The following DNAH11 variants were observed in gnomAD, a reference collection of about 807,000 sequenced individuals.
DNAH11 encodes dynein axonemal heavy chain 11, also known as axonemal beta dynein heavy chain 11.
Under a neutral mutation model 526.0 loss-of-function variants are expected in DNAH11, and 442 were observed. That is an observed-to-expected ratio of 0.84 (90% CI 0.78 to 0.91). The LOEUF (loss-of-function observed/expected upper bound fraction) is 0.91, where lower values mean the gene tolerates loss of function less well. Among genes scored for constraint, DNAH11 ranks in the 40% least tolerant of loss-of-function variants. The pLI is 0.00. For synonymous variants in DNAH11, 2,461 were observed against 1,935.9 expected, an observed-to-expected ratio of 1.27 and a Z score of -7.12; for missense variants, 6,989 against 5,448.7, an observed-to-expected ratio of 1.28 and a Z score of -8.90.
rs573782592 is a variant in DNAH11 at position 21,738,345 on chromosome 7, C to G, written c.7646-356C>G. Among the ~76,000 whole-genome samples the G allele has an allele frequency of 3.5e-4, 54 of 152,286 alleles. No individual in the cohort carries two copies. In the South Asian group the frequency reaches 4.8e-3, roughly 13 times the overall value. ...ATGACAGAGAAGAGAACTGAGAGAC[C>G]AGGCCATAGCTGGACTAGCAGTGGC... On this transcript the variant is annotated intron_variant, in intron 46 of 81. Transcript: ENST00000409508.
At position 21,725,982 on chromosome 7, in the gene DNAH11, C is replaced by T; in HGVS notation, c.7438C>T (p.Gln2480Ter). The change falls in exon 45 of 82, where the codon CAG becomes TAG. Residue 2480 changes from glutamine (Q) to a stop codon, truncating the protein, a stop_gained and splice_region_variant. Transcript: ENST00000409508. LOFTEE classifies it high-confidence loss of function. ...QFTMDPDVPLQTVLVHTTETA... is the reference protein window; with the variant it reads ...QFTMDPDVPL ...TACTATGGATCCAGATGTGCCTCTGCAGGTAGGTGTGTGGAACATAGCAAT... is the reference window on the plus strand; with the variant it reads ...TACTATGGATCCAGATGTGCCTCTGTAGGTAGGTGTGTGGAACATAGCAAT... 1 of 1,548,600 alleles carries T rather than the reference C, an allele frequency of 6.5e-7. No homozygotes were observed. The highest frequency in any genetic ancestry group is 1.2e-5 in the South Asian group (1 of 83,000).
At position 21,687,392 on chromosome 7, in the gene DNAH11, A is replaced by G. The variant is rs368502112; in HGVS notation, c.5789A>G (p.Asn1930Ser). 121 of 1,610,934 alleles carry G rather than the reference A, an allele frequency of 7.5e-5. No individual in the cohort carries two copies. The highest frequency in any genetic ancestry group is 9.4e-5 in the Non-Finnish European group (111 of 1,178,530). Residue 1930 changes from asparagine (N) to serine (S), a missense_variant, in exon 34 of 82, where the codon AAT becomes AGT. By Grantham distance (46) the Asn-to-Ser change is conservative. Coordinates refer to ENST00000409508, the MANE Select transcript of DNAH11 (RefSeq NM_001277115.2). Reference sequence around the variant, plus strand: ...CACTTTATCATTTAGTCCATAGGCAATATCTATAAGGGATTGGTGCAGACA... The same window carrying G: ...CACTTTATCATTTAGTCCATAGGCAGTATCTATAAGGGATTGGTGCAGACA... ...SEQMDYKSIG[N>S]IYKGLVQTGA...
chr7:21,700,745 A>G (rs765679902), intron 36 of DNAH11, among the ~76,000 whole-genome samples: 3 of 152,212 alleles, frequency 2.0e-5, no homozygotes, highest in African/African-American at 7.2e-5. Context: ...TCAAGAAAAT[A>G]TGGTACATAT....
intron 28 of DNAH11, among the ~76,000 whole-genome samples, chr7:21,645,078 T>C (rs1288178504): frequency 4.6e-5 from 7 of 152,214 alleles, no homozygotes; most frequent in Non-Finnish European, 8.8e-5. Flanking sequence ...TACAACAACA[T>C]TAAGGTTATT....
chr7:21,777,289 C>A (rs151010585), intron 56 of DNAH11, among the ~76,000 whole-genome samples: 1,966 of 152,180 alleles, frequency 0.013, 45 homozygotes, highest in African/African-American at 0.045. Context: ...GAGCAGTATT[C>A]CACAGAATGA....
chr7:21,718,611 A>G (rs1784760120), intron 43 of DNAH11, among the ~76,000 whole-genome samples: 2 of 152,214 alleles, frequency 1.3e-5, no homozygotes, highest in Admixed American at 1.3e-4. Context: ...GCCAATGAAA[A>G]TAATTCACAA....
In DNAH11 at chr7:21,786,668, A is replaced by G. The variant is rs72657384; in HGVS notation, c.9642A>G (p.Ala3214=). 1.0e-3 allele frequency: 1,619 copies of G among 1,613,564 alleles called. 16 individuals are homozygous for G. The African/African-American group carries it at 0.018, about 18-fold the overall frequency. Residue 3214 remains alanine, a synonymous_variant, in exon 59 of 82, where the codon GCA becomes GCG. Transcript: ENST00000409508. ...AAGCCTTTCCCAACCCTCCCATCGCAGTTACCAATGTTACTGCAGCCGTGA... is the reference window on the plus strand; with the variant it reads ...AAGCCTTTCCCAACCCTCCCATCGCGGTTACCAATGTTACTGCAGCCGTGA... ...ELKAFPNPPI[A]VTNVTAAVMV... is the part of the protein sequence containing the mutation.
At chr7:21,611,441 G>A (rs1479475324) in intron 20 of DNAH11, among the ~76,000 whole-genome samples, 3 of 152,118 alleles carry the variant, frequency 2.0e-5, no homozygotes, top group Admixed American at 6.5e-5. Context: ...CTTCATAATC[G>A]TGTGAGCCAA....
chr7:21,739,681 G>A lies in DNAH11; in HGVS notation c.7914+8G>A. ...ATCAATCCCAGGCTACAGGTAGGGT[G>A]TTGAATACTGCTCTCAAAAACTGTA... On this transcript the variant is annotated splice_region_variant and intron_variant, in intron 48 of 81. Coordinates refer to ENST00000409508, the MANE Select transcript of DNAH11 (RefSeq NM_001277115.2). The A allele has an allele frequency of 6.3e-7, 1 of 1,598,590 alleles. No individual in the cohort carries two copies. The highest frequency in any genetic ancestry group is 8.6e-7 in the Non-Finnish European group (1 of 1,167,734).
intron 67 of DNAH11, among the ~76,000 whole-genome samples, chr7:21,853,915 G>C (rs2128025035): frequency 6.6e-6 from 1 of 152,216 alleles, no homozygotes; most frequent in Non-Finnish European, 1.5e-5. Context: ...ATGCTTTGTT[G>C]CCTAATGAAG....
At chr7:21,709,491 C>T (rs182131730) in intron 40 of DNAH11, among the ~76,000 whole-genome samples, 10 of 152,198 alleles carry the variant, frequency 6.6e-5, no homozygotes, top group African/African-American at 1.2e-4. Context: ...ACTACCTGGA[C>T]GATGGCACCA....
At chr7:21,658,148 G>T (rs1419653890) in intron 29 of DNAH11, among the ~76,000 whole-genome samples, 1 of 151,680 alleles carries the variant, frequency 6.6e-6, no homozygotes, top group African/African-American at 2.4e-5. Flanking sequence ...CGCAAACTAA[G>T]CTTCAATTTT....
chr7:21,606,612 TC>T (rs1160730290), intron 19 of DNAH11, 34 bp from the exon 20 acceptor site: 12 of 1,415,752 alleles, frequency 8.5e-6, no homozygotes, highest in Non-Finnish European at 1.2e-5. Context: ...TGTTTGAAAT[TC>T]ACTTTTTTTT....
intron 30 of DNAH11, among the ~76,000 whole-genome samples, chr7:21,679,796 A>G (rs1010006374): frequency 6.6e-6 from 1 of 152,110 alleles, no homozygotes; most frequent in Non-Finnish European, 1.5e-5. Flanking sequence ...TGGATTGGCA[A>G]ATGTGGTTAA....
In DNAH11 at chr7:21,745,001, C is replaced by G. The variant is rs1786080124; in HGVS notation, c.8448C>G (p.Asp2816Glu). The G allele has an allele frequency of 4.3e-6, 7 of 1,609,964 alleles. 1 individual carries two copies. In the South Asian group the frequency reaches 7.8e-5, roughly 18 times the overall value. ...AGACGATTCTTACAGAAACGTTAGACAACTACAATGAACTAAATGCTGCCA... is the reference window on the plus strand; with the variant it reads ...AGACGATTCTTACAGAAACGTTAGAGAACTACAATGAACTAAATGCTGCCA... ...VLKTILTETL[D>E]NYNELNAAMH... is the part of the protein sequence containing the mutation. The change falls in exon 51 of 82, where the codon GAC becomes GAG. Residue 2816 changes from aspartate (D) to glutamate (E), a missense_variant. Physicochemically the swap from Asp to Glu is conservative, Grantham distance 45 (BLOSUM62 2). Transcript: ENST00000409508.
chr7:21,830,313 C>G (rs1583747628), intron 65 of DNAH11, among the ~76,000 whole-genome samples: 1 of 152,174 alleles, frequency 6.6e-6, no homozygotes. Flanking sequence ...AATCTATTGA[C>G]CAGAAATTAT....
chr7:21,825,088 C>T (rs967241894), intron 65 of DNAH11, among the ~76,000 whole-genome samples: 1 of 152,094 alleles, frequency 6.6e-6, no homozygotes, highest in Admixed American at 6.5e-5. Flanking sequence ...CCAGGCTGGT[C>T]TCGAACTCCT....
At chr7:21,832,291 G>T (rs1418878931) in intron 65 of DNAH11, among the ~76,000 whole-genome samples, 1 of 152,136 alleles carries the variant, frequency 6.6e-6, no homozygotes. Context: ...TTTACAATTT[G>T]GCATGTTTTT....
chr7:21,567,165 C>T lies in DNAH11; in HGVS notation c.1194+2768C>T, dbSNP rs1312039450. On this transcript the variant is annotated intron_variant, in intron 6 of 81. Coordinates refer to ENST00000409508, the MANE Select transcript of DNAH11 (RefSeq NM_001277115.2). ...AATGTGTAAAAGCTTTCACTATGAC[C>T]TGTCAACTTGGAGCATTGCCATCTT... is the stretch of plus-strand genomic sequence containing the variant. Among the ~76,000 whole-genome samples the T allele has an allele frequency of 2.0e-5, 3 of 152,084 alleles. No homozygotes were observed. The East Asian group carries it at 5.8e-4, about 29-fold the overall frequency.
Sources: gnomAD v4.1 joint callset for allele counts (sites outside exome capture counted in the v4.1 genomes callset) on GRCh38, gnomAD v4.1.1 for gene constraint, MANE v1.5 for transcripts, NCBI Gene and HGNC (gene_info 2026-07-23, HGNC 2026-07-21) for gene names.